The following PTPRD variants were observed in gnomAD, a reference collection of about 807,000 sequenced individuals.
PTPRD encodes receptor-type tyrosine-protein phosphatase delta.
PTPRD carries 34 observed loss-of-function variants against 214.5 expected under a neutral mutation model. The observed-to-expected ratio is 0.16, with a 90% CI of 0.12 to 0.21. The LOEUF is 0.21. Ranked by LOEUF, PTPRD falls within the 10% of genes least tolerant of loss-of-function variation. The pLI, the probability that PTPRD is intolerant of heterozygous loss-of-function variation, is 1.00. For missense variants in PTPRD, 2,545 were observed against 2,398.7 expected, an observed-to-expected ratio of 1.06 and a Z score of -1.27; for synonymous variants, 1,128 against 845.7, an observed-to-expected ratio of 1.33 and a Z score of -5.79.
At chr9:8,343,441 A>C (rs1056311447) in intron 39 of PTPRD, among the ~76,000 whole-genome samples, 2 of 152,088 alleles carry the variant, frequency 1.3e-5, no homozygotes, top group Admixed American at 1.3e-4. Context: ...ATACCTTAGC[A>C]CAGACCAATT....
chr9:9,546,627 G>A (rs1312473678), intron 8 of PTPRD, among the ~76,000 whole-genome samples: 1 of 151,436 alleles, frequency 6.6e-6, no homozygotes, highest in East Asian at 1.9e-4. Context: ...GTAAAATTCT[G>A]GCAGTAATGC....
intron 8 of PTPRD, among the ~76,000 whole-genome samples, chr9:9,567,384 G>A: frequency 6.6e-6 from 1 of 151,908 alleles, no homozygotes; most frequent in Non-Finnish European, 1.5e-5. Context: ...AAAACTGAGG[G>A]AGAAACCCCA....
chr9:9,794,549 A>G (rs2098989870), intron 5 of PTPRD, among the ~76,000 whole-genome samples: 1 of 152,090 alleles, frequency 6.6e-6, no homozygotes, highest in Admixed American at 6.6e-5. Flanking sequence ...ACTGAACGAT[A>G]AGCTAATCAA....
intron 11 of PTPRD, among the ~76,000 whole-genome samples, chr9:8,766,141 T>C (rs1003253208): frequency 6.7e-6 from 1 of 149,654 alleles, no homozygotes; most frequent in African/African-American, 2.5e-5. Flanking sequence ...CAGCAGGTCC[T>C]CAGGTAACAT....
intron 11 of PTPRD, among the ~76,000 whole-genome samples, chr9:8,800,632 T>C (rs925308394): frequency 2.6e-5 from 4 of 152,222 alleles, no homozygotes; most frequent in Admixed American, 1.3e-4. Flanking sequence ...AATCCACCCC[T>C]TGTTTAACAT....
At chr9:8,424,791 C>T (rs1051649900) in intron 35 of PTPRD, among the ~76,000 whole-genome samples, 3 of 152,076 alleles carry the variant, frequency 2.0e-5, no homozygotes, top group Admixed American at 6.6e-5. Context: ...CTGTGAGCCA[C>T]TGGTTGAAGT....
At chr9:9,735,802 C>T (rs563419434) in intron 6 of PTPRD, among the ~76,000 whole-genome samples, 1 of 152,174 alleles carries the variant, frequency 6.6e-6, no homozygotes, top group African/African-American at 2.4e-5. Flanking sequence ...GTTCTATTAA[C>T]GACCTAAGAA....
chr9:9,622,545 G>T (rs1184992997), intron 7 of PTPRD, among the ~76,000 whole-genome samples: 1 of 152,106 alleles, frequency 6.6e-6, no homozygotes, highest in African/African-American at 2.4e-5. Flanking sequence ...ACTTATCACT[G>T]AATTTCTGAT....
At chr9:9,699,815 T>C (rs1420695942) in intron 7 of PTPRD, among the ~76,000 whole-genome samples, 2 of 152,120 alleles carry the variant, frequency 1.3e-5, no homozygotes, top group Non-Finnish European at 2.9e-5. Context: ...ATCAGAACAA[T>C]TAGTCTGTCT....
chr9:10,232,406 C>T (rs1468195138), intron 3 of PTPRD, among the ~76,000 whole-genome samples: 2 of 151,948 alleles, frequency 1.3e-5, no homozygotes, highest in African/African-American at 2.4e-5. Flanking sequence ...ATGTTTCCCA[C>T]TTCCCTTTGA....
chr9:8,782,860 G>C (rs1011291240), intron 11 of PTPRD, among the ~76,000 whole-genome samples: 1 of 152,002 alleles, frequency 6.6e-6, no homozygotes, highest in Non-Finnish European at 1.5e-5. Context: ...CCCCGCAAAG[G>C]GCTGGGATTA....
chr9:8,370,895 T>C (rs1376926013), intron 39 of PTPRD, among the ~76,000 whole-genome samples: 1 of 152,120 alleles, frequency 6.6e-6, no homozygotes, highest in Non-Finnish European at 1.5e-5. Flanking sequence ...TGGCCTCTGC[T>C]GTTTTTTCTT....
chr9:9,389,059 C>T (rs2140800801), intron 9 of PTPRD, among the ~76,000 whole-genome samples: 1 of 152,194 alleles, frequency 6.6e-6, no homozygotes, highest in Middle Eastern at 3.4e-3. Flanking sequence ...TTTTTCTGTG[C>T]CTCATTTTTC....
rs187084033 is a variant in PTPRD at position 10,055,795 on chromosome 9, A to T, written c.-544-22005T>A. Among the ~76,000 whole-genome samples, 61 of 151,812 alleles carry T rather than the reference A, an allele frequency of 4.0e-4. No individual in the cohort carries two copies. In the East Asian group the frequency reaches 9.3e-3, roughly 23 times the overall value. On this transcript the variant is annotated intron_variant, in intron 3 of 45. Coordinates refer to ENST00000381196, the MANE Select transcript of PTPRD (RefSeq NM_002839.4). ...TTGTGATTCAGTTAAGTCCAGAGGAACATTATATATAAATATAATGTATAA... is the reference window on the plus strand; with the variant it reads ...TTGTGATTCAGTTAAGTCCAGAGGATCATTATATATAAATATAATGTATAA...
chr9:8,474,590 C>A (rs1448671947), intron 30 of PTPRD, among the ~76,000 whole-genome samples: 1 of 152,198 alleles, frequency 6.6e-6, no homozygotes, highest in East Asian at 1.9e-4. Context: ...CACGGCCTGG[C>A]AATCTTACCA....
At chr9:10,099,377 C>A (rs2098528812) in intron 3 of PTPRD, among the ~76,000 whole-genome samples, 1 of 151,578 alleles carries the variant, frequency 6.6e-6, no homozygotes, top group Admixed American at 6.6e-5. Flanking sequence ...ATAATAGAGT[C>A]CATTTTCCTA....
intron 39 of PTPRD, among the ~76,000 whole-genome samples, chr9:8,372,733 C>T (rs1046872052): frequency 1.3e-5 from 2 of 151,984 alleles, no homozygotes; most frequent in South Asian, 2.1e-4. Flanking sequence ...ACTAGGCTAT[C>T]CCTAAAATTC....
At chr9:10,422,832 T>A (rs1455618871) in intron 2 of PTPRD, among the ~76,000 whole-genome samples, 2 of 151,932 alleles carry the variant, frequency 1.3e-5, no homozygotes, top group African/African-American at 4.8e-5. Context: ...TGTGGAGAAA[T>A]AGGAAAGCTT....
chr9:10,204,457 G>A (rs2099456035), intron 3 of PTPRD, among the ~76,000 whole-genome samples: 1 of 152,054 alleles, frequency 6.6e-6, no homozygotes, highest in Admixed American at 6.6e-5. Flanking sequence ...CCTCATTCAT[G>A]GCTGTTTCCA....
Sources: gnomAD v4.1 joint callset for allele counts (sites outside exome capture counted in the v4.1 genomes callset) on GRCh38, gnomAD v4.1.1 for gene constraint, MANE v1.5 for transcripts, NCBI Gene and HGNC (gene_info 2026-07-23, HGNC 2026-07-21) for gene names.